Variants in AADAC observed in about 807,000 individuals in gnomAD.
AADAC encodes arylacetamide deacetylase, also known as arylacetamide deacetylase (esterase).
Under a neutral mutation model 22.7 loss-of-function variants are expected in AADAC, and 17 were observed. That is an observed-to-expected ratio of 0.75 (90% CI 0.51 to 1.12). The LOEUF (loss-of-function observed/expected upper bound fraction) is 1.12. Ranked by LOEUF, AADAC falls within the 50% of genes most tolerant of loss-of-function variation. AADAC has a pLI of 0.00. For synonymous variants in AADAC, 167 were observed against 176.3 expected (o/e 0.95, Z 0.42); for missense variants, 465 against 473.9 (o/e 0.98, Z 0.17).
At position 151,816,457 on chromosome 3, in the gene AADAC, A is replaced by C. The variant is rs1458210637; in HGVS notation, c.139-909A>C. 5.9e-5 allele frequency among the ~76,000 whole-genome samples: 9 copies of C among 152,216 alleles called. No individual in the cohort carries two copies. In the East Asian group the frequency reaches 1.7e-3, roughly 29 times the overall value. On this transcript the variant is annotated intron_variant, in intron 1 of 4. Transcript: ENST00000232892. ...AGTACTTTGTACAGAGCTCTGTAAT[A>C]GTATTTACATTGTTTTGTAACCATT...
chr3:151,824,578 T>G, intron 3 of AADAC, 85 bp from the exon 4 acceptor site: 1 of 1,133,672 alleles, frequency 8.8e-7, no homozygotes. Context: ...TTATTGCGGT[T>G]TTGTCATTAC....
At chr3:151,814,351 C>T (rs777940072) in intron 1 of AADAC, 51 bp downstream of exon 1, 1 of 1,524,798 alleles carries the variant, frequency 6.6e-7, no homozygotes, top group South Asian at 1.2e-5. Context: ...CCATTTGACC[C>T]AGAGAATTAA....
chr3:151,819,992 A>AT (rs1297049168), intron 2 of AADAC, among the ~76,000 whole-genome samples: 1 of 152,084 alleles, frequency 6.6e-6, no homozygotes. Flanking sequence ...TGGCTCACAT[A>AT]TCTGACAACG....
intron 1 of AADAC, among the ~76,000 whole-genome samples, chr3:151,816,511 T>C (rs888446193): frequency 1.3e-5 from 2 of 151,982 alleles, no homozygotes; most frequent in African/African-American, 4.8e-5. Context: ...AACTCTGAGA[T>C]TCTTGAGAAG....
intron 4 of AADAC, 71 bp from the exon 5 acceptor site, chr3:151,827,505 T>C (rs1454893485): frequency 6.4e-6 from 6 of 930,646 alleles, no homozygotes; most frequent in Admixed American, 2.5e-5. Flanking sequence ...GATAGACAGA[T>C]AGATAATCTT....
chr3:151,825,004 T>G (rs2108034510), intron 4 of AADAC, 170 bp downstream of exon 4: 1 of 498,636 alleles, frequency 2.0e-6, no homozygotes, highest in Non-Finnish European at 3.3e-6. Context: ...AACATTATAA[T>G]ATCAATCCCT....
chr3:151,814,775 C>T (rs1364069223), intron 1 of AADAC, among the ~76,000 whole-genome samples: 1 of 151,900 alleles, frequency 6.6e-6, no homozygotes, highest in African/African-American at 2.4e-5. Flanking sequence ...TGGCACATGC[C>T]TAGGGTTAAC....
At chr3:151,817,611 C>T (rs1458341307) in intron 2 of AADAC, 23 bp downstream of exon 2, 2 of 1,601,780 alleles carry the variant, frequency 1.2e-6, no homozygotes, top group Non-Finnish European at 1.7e-6. Flanking sequence ...TTTGAAAAAT[C>T]TCTGTCACTG....
At chr3:151,820,765 T>G (rs755689604) in intron 3 of AADAC, among the ~76,000 whole-genome samples, 1 of 35,132 alleles carries the variant, frequency 2.8e-5, no homozygotes, top group Admixed American at 2.7e-4. Flanking sequence ...TGATCCACCC[T>G]CCTTGGCTTC....
chr3:151,824,295 CAT>C (rs1468131703), intron 3 of AADAC, among the ~76,000 whole-genome samples: 1 of 151,872 alleles, frequency 6.6e-6, no homozygotes, highest in Non-Finnish European at 1.5e-5. Flanking sequence ...GGCTCAAAAA[CAT>C]AATGTTGAAC....
In AADAC at chr3:151,827,748, C is replaced by T; in HGVS notation, c.776C>T (p.Ser259Leu). Residue 259 changes from serine (S) to leucine (L), a missense_variant, in exon 5 of 5, where the codon TCA becomes TTA. Physicochemically the swap from Ser to Leu is moderately radical, Grantham distance 145. Transcript: ENST00000232892. The stretch of plus-strand genomic sequence containing the variant: ...AGTGAATATTTTACCACTGATAGAT[C>T]ACTTGAAAAAGCCATGCTTTCCAGA... ...FWSEYFTTDR[S>L]LEKAMLSRQH... 9.3e-6 allele frequency: 15 copies of T among 1,613,120 alleles called. No individual in the cohort carries two copies. The highest frequency in any genetic ancestry group is 1.2e-5 in the Non-Finnish European group (14 of 1,179,468).
rs186903267 is a variant in AADAC, at chr3:151,820,613, G to A, written c.431+161G>A. Among the ~76,000 whole-genome samples, 540 of 142,162 alleles carry A rather than the reference G, an allele frequency of 3.8e-3. 3 individuals carry two copies. Among genetic ancestry groups the A allele is most frequent in the African/African-American group, 0.014 (520 of 38,226 alleles). 93.3% of individuals were successfully genotyped at this position (142,162 alleles called of 152,430 possible). A position where few individuals can be genotyped will look rare whatever the true frequency, so the allele number is the denominator to read the frequency against. On this transcript the variant is annotated intron_variant, in intron 3 of 4. Coordinates refer to ENST00000232892, the MANE Select transcript of AADAC (RefSeq NM_001086.3). ...GCTCCCTGCAACCTCCTCCTCCCGG[G>A]TTCAAGTGATTCTCATACCTCAGCC...
intron 3 of AADAC, among the ~76,000 whole-genome samples, chr3:151,823,219 G>C (rs867058571): frequency 6.6e-6 from 1 of 151,554 alleles, no homozygotes; most frequent in Non-Finnish European, 1.5e-5. Context: ...GGGAGGTTGC[G>C]GTGAGCCGAG....
rs1716558284 is a variant in AADAC, at chr3:151,827,682, AT to A, written c.714del (p.Leu239TyrfsTer54). ...TTACCGTCATATCAAGAAAATTCAA[AT>A]TTTCTATTTCTATCCAAATCACTCA... ...VDLPSYQENSNFLFLSKSLMV... is the reference protein window; with the variant it reads ...VDLPSYQENSXFLFLSKSLMV... On this transcript the variant is annotated frameshift_variant, in exon 5 of 5. Transcript: ENST00000232892. LOFTEE classifies it low-confidence loss of function (END_TRUNC). 6 of 1,612,632 alleles carry A rather than the reference AT, an allele frequency of 3.7e-6. 1 individual carries two copies. The highest frequency in any genetic ancestry group is 5.1e-6 in the Non-Finnish European group (6 of 1,179,050).
At chr3:151,823,041 A>C (rs1193634205) in intron 3 of AADAC, among the ~76,000 whole-genome samples, 2 of 151,962 alleles carry the variant, frequency 1.3e-5, no homozygotes, top group Non-Finnish European at 2.9e-5. Flanking sequence ...GCACTTTGGG[A>C]GGCCGAGGCA....
intron 2 of AADAC, among the ~76,000 whole-genome samples, chr3:151,817,944 G>C (rs917140443): frequency 1.3e-5 from 2 of 151,378 alleles, no homozygotes; most frequent in Non-Finnish European, 2.9e-5. Flanking sequence ...TTATATCTTT[G>C]AATATATTTT....
intron 3 of AADAC, 37 bp downstream of exon 3, chr3:151,820,489 C>A (rs1047331458): frequency 3.4e-6 from 4 of 1,189,900 alleles, no homozygotes; most frequent in Non-Finnish European, 4.6e-6. Context: ...GGCCAGATGT[C>A]TGACATGCCA....
intron 2 of AADAC, among the ~76,000 whole-genome samples, chr3:151,817,895 A>T (rs538740225): frequency 6.6e-6 from 1 of 151,990 alleles, no homozygotes; most frequent in Non-Finnish European, 1.5e-5. Flanking sequence ...TAATGTTTTC[A>T]TCCATTTACT....
intron 3 of AADAC, among the ~76,000 whole-genome samples, chr3:151,822,149 T>G (rs930445480): frequency 1.1e-4 from 17 of 151,778 alleles, no homozygotes; most frequent in African/African-American, 4.1e-4. Flanking sequence ...CCCACTAGGA[T>G]GGGTATAATA....
Sources: gnomAD v4.1 joint callset for allele counts (sites outside exome capture counted in the v4.1 genomes callset) on GRCh38, gnomAD v4.1.1 for gene constraint, MANE v1.5 for transcripts, NCBI Gene and HGNC (gene_info 2026-07-23, HGNC 2026-07-21) for gene names.